Variants in LAMA3 observed in about 807,000 individuals in gnomAD.
LAMA3 encodes laminin subunit alpha-3.
A neutral mutation model predicts 402.0 loss-of-function variants in LAMA3; 281 were observed. That is an observed-to-expected ratio of 0.70 (90% confidence interval 0.63 to 0.77). The LOEUF (loss-of-function observed/expected upper bound fraction) is 0.77, where lower values mean the gene tolerates loss of function less well. Among genes scored for constraint, LAMA3 ranks in the 30% least tolerant of loss-of-function variants. LAMA3 has a pLI of 0.00. For synonymous variants in LAMA3, 1,431 were observed against 1,558.4 expected (o/e 0.92, Z 1.93); for missense variants, 3,840 against 4,215.5 (o/e 0.91, Z 2.47).
intron 55 of LAMA3, among the ~76,000 whole-genome samples, 181 bp from the exon 56 acceptor site, chr18:23,912,530 G>T (rs1260832372): frequency 4.6e-5 from 7 of 152,128 alleles, no homozygotes; most frequent in African/African-American, 1.4e-4. Flanking sequence ...AGCTTCATGA[G>T]TTTATAATCT....
rs118101443 is a variant in LAMA3 at position 23,804,799 on chromosome 18, T to C, written c.1604-5567T>C. Among the ~76,000 whole-genome samples the C allele has an allele frequency of 1.6e-4, 24 of 152,270 alleles. No homozygotes were observed. In the East Asian group the frequency reaches 4.4e-3, roughly 28 times the overall value. ...CCTGATAGTGGGTGAGATCTCTCTC[T>C]GAGTTCACTTGAGATCTGGTTGTTT... On this transcript the variant is annotated intron_variant, in intron 12 of 74. Transcript: ENST00000313654.
At chr18:23,790,563 C>G (rs7244776) in intron 12 of LAMA3, among the ~76,000 whole-genome samples, 26,011 of 152,142 alleles carry the variant, frequency 0.17, 3,297 homozygotes, top group East Asian at 0.57. Context: ...CTTTTCTTTT[C>G]TGAGTAGTTT....
At chr18:23,800,681 C>A (rs762840876) in intron 12 of LAMA3, among the ~76,000 whole-genome samples, 51 of 152,038 alleles carry the variant, frequency 3.4e-4, no homozygotes, top group African/African-American at 1.2e-3. Flanking sequence ...TCCCTGTCCC[C>A]GCTCCTACAC....
At position 23,951,594 on chromosome 18, in the gene LAMA3, G is replaced by A. The variant is rs569786383; in HGVS notation, c.9643-90G>A. On this transcript the variant is annotated intron_variant, in intron 72 of 74. Transcript: ENST00000313654. ...TATCTAATGTGCCCTTAAGCTGTCA[G>A]TTGGCCCGGTTTGGGGAGGGAAGAT... is the stretch of plus-strand genomic sequence containing the variant. 4 of 967,162 alleles carry A rather than the reference G, an allele frequency of 4.1e-6. No homozygotes were observed. The South Asian group carries it at 5.5e-5, about 13-fold the overall frequency. The allele number at this position is 967,162 out of a possible 1,614,324, so 59.9% of individuals were successfully genotyped here. A position where few individuals can be genotyped will look rare whatever the true frequency, so the allele number is the denominator to read the frequency against.
intron 1 of LAMA3, chr18:23,710,287 T>C: frequency 1.9e-6 from 1 of 523,088 alleles, no homozygotes; most frequent in Non-Finnish European, 3.5e-6. Context: ...TTCGGCGCCA[T>C]CTTGTGAAAA....
chr18:23,810,584 C>T lies in LAMA3; in HGVS notation c.1741+81C>T, dbSNP rs977337112. 4.7e-6 allele frequency: 7 copies of T among 1,501,862 alleles called. No homozygotes were observed. In the Admixed American group the frequency reaches 8.4e-5, roughly 18 times the overall value. 93.0% of individuals were successfully genotyped at this position (1,501,862 alleles called of 1,614,324 possible). ...CAGCCTCCCAGAGAAGCCTGCAAAT[C>T]CCCCACAGACTCACCACTGGCCACC... On this transcript the variant is annotated intron_variant, in intron 13 of 74. Transcript: ENST00000313654.
chr18:23,715,218 G>C (rs1016460937), intron 2 of LAMA3, among the ~76,000 whole-genome samples: 1 of 151,396 alleles, frequency 6.6e-6, no homozygotes, highest in African/African-American at 2.4e-5. Flanking sequence ...ATATGCCGAA[G>C]ACCATTGGCA....
chr18:23,864,931 T>C (rs892302936), intron 36 of LAMA3, 48 bp downstream of exon 36: 20 of 1,171,938 alleles, frequency 1.7e-5, no homozygotes, highest in Non-Finnish European at 2.3e-5. Context: ...CAGTTGCAGT[T>C]GGTGCTGATC....
intron 5 of LAMA3, among the ~76,000 whole-genome samples, chr18:23,753,204 T>C (rs1336732003): frequency 6.6e-6 from 1 of 152,226 alleles, no homozygotes; most frequent in African/African-American, 2.4e-5. Context: ...TAGGAAGTCT[T>C]CAGCAAATAC....
chr18:23,734,532 C>T (rs1010939680), intron 2 of LAMA3, among the ~76,000 whole-genome samples: 2 of 152,188 alleles, frequency 1.3e-5, no homozygotes, highest in African/African-American at 2.4e-5. Context: ...TCCACTCTAA[C>T]GGAGTGTGCC....
intron 1 of LAMA3, among the ~76,000 whole-genome samples, chr18:23,708,092 T>C (rs927272964): frequency 5.3e-5 from 8 of 152,198 alleles, no homozygotes; most frequent in African/African-American, 1.9e-4. Flanking sequence ...TTGAATTGCA[T>C]TTGCGACTTG....
At position 23,890,018 on chromosome 18, in the gene LAMA3, C is replaced by G. The variant is rs1401994143; in HGVS notation, c.5311C>G (p.Pro1771Ala). The change falls in exon 42 of 75, where the codon CCG (proline) becomes GCG (alanine). Residue 1771 changes from proline (P) to alanine (A), a missense_variant. Transcript: ENST00000313654. The part of the protein sequence containing the change: ...YTGTQCERCA[P>A]GYFGNPQKFG... ...TCTCTATATTTTGTGTAGGTGTGCA[C>G]CGGGATATTTCGGGAATCCCCAGAA... 6.2e-7 allele frequency: 1 copy of G among 1,612,902 alleles called. No homozygotes were observed. The highest frequency in any genetic ancestry group is 8.5e-7 in the Non-Finnish European group (1 of 1,179,030).
intron 11 of LAMA3, among the ~76,000 whole-genome samples, chr18:23,783,691 T>C (rs187428155): frequency 5.4e-4 from 82 of 152,350 alleles, no homozygotes; most frequent in African/African-American, 1.9e-3. Flanking sequence ...TAATTCACGA[T>C]TGTCATGAGA....
At chr18:23,896,647 C>T (rs1435459407) in intron 44 of LAMA3, among the ~76,000 whole-genome samples, 1 of 152,068 alleles carries the variant, frequency 6.6e-6, no homozygotes, top group African/African-American at 2.4e-5. Context: ...TGAATGGGGG[C>T]TAAAAAGCAG....
Position 23,939,292 on chromosome 18 carries a change from C to A in LAMA3, c.8932C>A (p.Pro2978Thr), listed in dbSNP as rs1321980968. The A allele has an allele frequency of 5.0e-6, 8 of 1,614,200 alleles. No individual in the cohort carries two copies. The Admixed American group carries it at 8.3e-5, about 17-fold the overall frequency. ...KVWQDACSPL[P>T]KTQANHGALQ... ...GTGGCAAGATGCTTGCTCACCACTT[C>A]CCAAGACCCAGGCCAATCATGGAGC... The change falls in exon 68 of 75, where the codon CCC becomes ACC. Residue 2978 changes from proline to threonine, a missense_variant. Pro to Thr is a conservative substitution (Grantham distance 38). Around this residue, in one of 3 missense-constraint regions of LAMA3, gnomAD observed 840 missense variants for 981.9 expected, o/e 0.86. Transcript: ENST00000313654.
chr18:23,742,650 A>ATGTGTGTGTG (rs141466075), intron 2 of LAMA3, among the ~76,000 whole-genome samples: 1 of 147,938 alleles, frequency 6.8e-6, no homozygotes, highest in Non-Finnish European at 1.5e-5. Context: ...AGAATCAAAA[A>ATGTGTGTGTG]TGTGTGTGTG....
chr18:23,853,206 G>A (rs2144675958), intron 32 of LAMA3, among the ~76,000 whole-genome samples: 1 of 152,264 alleles, frequency 6.6e-6, no homozygotes, highest in East Asian at 1.9e-4. Flanking sequence ...AATAAATAAG[G>A]TAGATTTTGG....
At position 23,753,711 on chromosome 18, in the gene LAMA3, T is replaced by C. The variant is rs376609554; in HGVS notation, c.856-10T>C. On this transcript the variant is annotated splice_polypyrimidine_tract_variant and intron_variant, in intron 5 of 74. Transcript: ENST00000313654. ...AGTGAAACTTGCATGTTCTGTGTTC[T>C]GTTGTGCAGTATTATTACAGCATAA... 19 of 1,605,804 alleles carry C rather than the reference T, an allele frequency of 1.2e-5. No homozygotes were observed. The African/African-American group carries it at 2.5e-4, about 21-fold the overall frequency.
chr18:23,840,023 C>A, intron 27 of LAMA3, 94 bp downstream of exon 27: 1 of 1,328,290 alleles, frequency 7.5e-7, no homozygotes, highest in Non-Finnish European at 1.1e-6. Flanking sequence ...AATGCAGATT[C>A]ACAGACCCAC....
Sources: allele counts gnomAD v4.1 joint callset (sites outside exome capture counted in the v4.1 genomes callset), GRCh38; gene constraint gnomAD v4.1.1; regional missense constraint gnomAD v4.1.1; transcripts MANE v1.5; gene names NCBI Gene and HGNC (gene_info 2026-07-23, HGNC 2026-07-21).